The following TRHDE variants were observed in gnomAD, a reference collection of about 807,000 sequenced individuals.
TRHDE encodes thyrotropin-releasing hormone-degrading ectoenzyme.
Under a neutral mutation model 125.7 loss-of-function variants are expected in TRHDE, and 72 were observed. The observed-to-expected ratio is 0.57, with a 90% confidence interval of 0.47 to 0.70. The LOEUF (loss-of-function observed/expected upper bound fraction) is 0.70, where lower values mean the gene tolerates loss of function less well. Ranked by LOEUF, TRHDE falls within the 30% of genes least tolerant of loss-of-function variation. TRHDE has a pLI of 0.00. For synonymous variants in TRHDE, 509 were observed against 509.1 expected, an observed-to-expected ratio of 1.00 and a Z score of 0.00; for missense variants, 1,110 against 1,327.1, an observed-to-expected ratio of 0.84 and a Z score of 2.54.
chr12:72,351,698 T>C (rs1472164872), intron 2 of TRHDE, among the ~76,000 whole-genome samples: 1 of 151,930 alleles, frequency 6.6e-6, no homozygotes, highest in Non-Finnish European at 1.5e-5. Flanking sequence ...CTTAGTGTCT[T>C]TCCAATTCAT....
chr12:72,597,756 T>TACAC (rs1276841173), intron 12 of TRHDE, among the ~76,000 whole-genome samples: 999 of 10,584 alleles, frequency 0.094, 31 homozygotes, highest in Non-Finnish European at 0.14. Context: ...TATATATATA[T>TACAC]ATGCATACAC....
chr12:72,234,230 A>G lies in TRHDE; in HGVS notation n.279+128478A>G, dbSNP rs1878299722. Among the ~76,000 whole-genome samples, 9 of 152,144 alleles carry G rather than the reference A, an allele frequency of 5.9e-5. 1 individual carries two copies. In the South Asian group the frequency reaches 1.9e-3, roughly 31 times the overall value. On this transcript the variant is annotated intron_variant and non_coding_transcript_variant, in intron 2 of 4. Transcript: ENST00000548156. Reference sequence around the variant, plus strand: ...TGTCGAGTATAGCCTTGTAATTTTTATGTTCACAGCTTTGTCAAAAAGATG... The same window carrying G: ...TGTCGAGTATAGCCTTGTAATTTTTGTGTTCACAGCTTTGTCAAAAAGATG...
chr12:72,139,886 C>T (rs1272937209), intron 2 of TRHDE, among the ~76,000 whole-genome samples: 2 of 152,130 alleles, frequency 1.3e-5, no homozygotes, highest in African/African-American at 4.8e-5. Context: ...TATCTTCCTC[C>T]CTTTGGAATT....
At chr12:72,379,491 A>C (rs1489926019) in intron 3 of TRHDE, among the ~76,000 whole-genome samples, 1 of 152,238 alleles carries the variant, frequency 6.6e-6, no homozygotes, top group Non-Finnish European at 1.5e-5. Flanking sequence ...GGAAGGTGGC[A>C]CTGTTATCTA....
chr12:72,188,078 T>C (rs1179376760), intron 2 of TRHDE, among the ~76,000 whole-genome samples: 3 of 152,232 alleles, frequency 2.0e-5, no homozygotes, highest in Non-Finnish European at 4.4e-5. Flanking sequence ...ACAGTGATAA[T>C]TCCTGATATT....
At chr12:72,554,094 C>T (rs1259883391) in intron 7 of TRHDE, among the ~76,000 whole-genome samples, 9 of 152,090 alleles carry the variant, frequency 5.9e-5, no homozygotes, top group South Asian at 2.1e-4. Context: ...GTGATTCATG[C>T]GCTTCGGCCT....
intron 6 of TRHDE, among the ~76,000 whole-genome samples, chr12:72,518,850 G>A (rs1213133256): frequency 7.2e-5 from 11 of 152,158 alleles, no homozygotes; most frequent in Middle Eastern, 6.8e-3. Context: ...GGTGGTGACA[G>A]AATCTCTCAG....
intron 3 of TRHDE, among the ~76,000 whole-genome samples, chr12:72,447,317 A>G (rs916040950): frequency 2.6e-5 from 4 of 152,164 alleles, no homozygotes; most frequent in South Asian, 2.1e-4. Context: ...TTGGAAACCA[A>G]TGAGAACAAA....
chr12:72,500,849 C>CTTTTTTTTTTTTTTTTTTTTTTT (rs11314911), intron 6 of TRHDE, among the ~76,000 whole-genome samples: 2 of 109,356 alleles, frequency 1.8e-5, no homozygotes, highest in Non-Finnish European at 3.6e-5. Context: ...CAACTTTGTT[C>CTTTTTTTTTTTTTTTTTTTTTTT]TTTTTTTTTT....
chr12:72,286,606 A>G, intron 1 of TRHDE, 75 bp from the exon 2 acceptor site: 2 of 1,361,368 alleles, frequency 1.5e-6, no homozygotes, highest in South Asian at 2.7e-5. Flanking sequence ...TATTTCATCA[A>G]CAGAAGCATG....
chr12:72,531,307 GTCTT>G (rs773499016), intron 6 of TRHDE, among the ~76,000 whole-genome samples: 21 of 152,020 alleles, frequency 1.4e-4, no homozygotes, highest in African/African-American at 1.9e-4. Flanking sequence ...TTCCAATGGG[GTCTT>G]TGTTTTTTAA....
chr12:72,547,157 T>A (rs892436201), intron 7 of TRHDE, among the ~76,000 whole-genome samples: 1 of 151,568 alleles, frequency 6.6e-6, no homozygotes, highest in Non-Finnish European at 1.5e-5. Flanking sequence ...ACTTGTTTTT[T>A]TTTTTTACCA....
chr12:72,359,569 A>C (rs1169398192), intron 2 of TRHDE, among the ~76,000 whole-genome samples: 2 of 151,724 alleles, frequency 1.3e-5, no homozygotes, highest in Admixed American at 6.6e-5. Flanking sequence ...ACAAACCATA[A>C]AGTATCTAAA....
chr12:72,554,848 A>T (rs955808574), intron 7 of TRHDE, among the ~76,000 whole-genome samples: 1 of 152,108 alleles, frequency 6.6e-6, no homozygotes, highest in Admixed American at 6.5e-5. Context: ...CAGGTGTAGG[A>T]CCCTGTCACC....
At chr12:72,158,595 A>G (rs773085059) in intron 2 of TRHDE, among the ~76,000 whole-genome samples, 15 of 152,060 alleles carry the variant, frequency 9.9e-5, no homozygotes, top group Non-Finnish European at 2.1e-4. Flanking sequence ...TTCTGGTATT[A>G]CTTTTTAAAT....
intron 3 of TRHDE, among the ~76,000 whole-genome samples, chr12:72,429,071 A>T (rs925038611): frequency 3.3e-5 from 5 of 152,092 alleles, no homozygotes; most frequent in Admixed American, 3.3e-4. Flanking sequence ...GGAAACCATC[A>T]TTCTCAGCAA....
intron 3 of TRHDE, among the ~76,000 whole-genome samples, chr12:72,425,375 C>CCACA (rs1874140488): frequency 6.6e-6 from 1 of 151,956 alleles, no homozygotes; most frequent in African/African-American, 2.4e-5. Context: ...GCTAAGTGTT[C>CCACA]CACAGTACAC....
chr12:72,352,586 T>C (rs985658595), intron 2 of TRHDE, among the ~76,000 whole-genome samples: 6 of 151,830 alleles, frequency 4.0e-5, no homozygotes, highest in South Asian at 2.1e-4. Context: ...GCTTCCTATA[T>C]AGATCTGGGC....
In TRHDE at chr12:72,170,782, G is replaced by A. The variant is rs527554299; in HGVS notation, n.279+65030G>A. Among the ~76,000 whole-genome samples, 40 of 152,174 alleles carry A rather than the reference G, an allele frequency of 2.6e-4. No individual in the cohort carries two copies. In the South Asian group the frequency reaches 2.7e-3, roughly 10 times the overall value. ...CAATTTATATGTGAATGCTTAAAAAGGTAAAGCATTATATATGTGTGCCCA... is the reference window on the plus strand; with the variant it reads ...CAATTTATATGTGAATGCTTAAAAAAGTAAAGCATTATATATGTGTGCCCA... On this transcript the variant is annotated intron_variant and non_coding_transcript_variant, in intron 2 of 4. Transcript: ENST00000548156.
Sources: allele counts gnomAD v4.1 joint callset (sites outside exome capture counted in the v4.1 genomes callset), GRCh38; gene constraint gnomAD v4.1.1; transcripts MANE v1.5; gene names NCBI Gene and HGNC (gene_info 2026-07-23, HGNC 2026-07-21).